The following HERC6 variants were observed in gnomAD, a reference collection of about 807,000 sequenced individuals.
HERC6 encodes the protein HECT and RLD domain containing E3 ubiquitin protein ligase family member 6, also known as probable E3 ubiquitin-protein ligase HERC6.
A neutral mutation model predicts 114.5 loss-of-function variants in HERC6; 101 were observed. That is an observed-to-expected ratio of 0.88 (90% CI 0.75 to 1.04). HERC6 has a LOEUF of 1.04. Ranked by LOEUF, HERC6 falls within the 50% of genes least tolerant of loss-of-function variation. HERC6 has a pLI of 0.00. For synonymous variants in HERC6, 408 were observed against 436.2 expected, an observed-to-expected ratio of 0.94 and a Z score of 0.81; for missense variants, 1,133 against 1,230.9, an observed-to-expected ratio of 0.92 and a Z score of 1.19.
At chr4:88,425,054 G>T (rs1489839566) in intron 15 of HERC6, among the ~76,000 whole-genome samples, 6 of 152,058 alleles carry the variant, frequency 3.9e-5, no homozygotes, top group African/African-American at 1.2e-4. Context: ...AAGGTTTGTG[G>T]TATGGCAATA....
Position 88,423,950 on chromosome 4 carries a change from C to G in HERC6, c.1804C>G (p.Gln602Glu), listed in dbSNP as rs1290604932. Reference sequence around the variant, plus strand: ...AAACTTTTATATAGATAGAGGAAGACAGCTCTTTCGGGATAACCACCTGGT... The same window carrying G: ...AAACTTTTATATAGATAGAGGAAGAGAGCTCTTTCGGGATAACCACCTGGT... Reference protein sequence around the residue: ...LLNFYIDRGRQLFRDNHLIPA... With the variant: ...LLNFYIDRGRELFRDNHLIPA... Residue 602 changes from glutamine to glutamate, a missense_variant, in exon 14 of 23, where the codon CAG (glutamine) becomes GAG (glutamate). Gln to Glu is a conservative substitution (Grantham distance 29). Transcript: ENST00000264346. The G allele has an allele frequency of 6.5e-7, 1 of 1,526,830 alleles. No homozygotes were observed. Among genetic ancestry groups the G allele is most frequent in the African/African-American group, 1.4e-5 (1 of 70,768 alleles). 94.6% of individuals were successfully genotyped at this position (1,526,830 alleles called of 1,614,324 possible).
chr4:88,402,631 G>T (rs1351722079), intron 8 of HERC6, among the ~76,000 whole-genome samples: 1 of 152,150 alleles, frequency 6.6e-6, no homozygotes, highest in African/African-American at 2.4e-5. Flanking sequence ...GGGCAGGAAG[G>T]GTGACCATGG....
In HERC6 at chr4:88,435,851, T is replaced by C. The variant is rs763695748; in HGVS notation, c.2377T>C (p.Ser793Pro). ...LYKKLLDQKP[S>P]LEDLKELSPR... ...TAAAAAACTTCTGGACCAAAAGCCA[T>C]CATTGGAAGATTTAAAAGAACTCAG... Residue 793 changes from serine (S) to proline (P), a missense_variant, in exon 18 of 23, where the codon TCA becomes CCA. This residue lies in a region of HERC6 where 388 missense variants were observed against 445.9 expected (regional missense o/e 0.87). Transcript: ENST00000264346. The C allele has an allele frequency of 1.2e-6, 2 of 1,610,520 alleles. No individual in the cohort carries two copies. The highest frequency in any genetic ancestry group is 1.7e-6 in the Non-Finnish European group (2 of 1,178,548).
intron 15 of HERC6, among the ~76,000 whole-genome samples, chr4:88,426,040 T>A (rs1737569949): frequency 6.6e-6 from 1 of 152,200 alleles, no homozygotes; most frequent in Non-Finnish European, 1.5e-5. Context: ...ATGGCTTACA[T>A]GACATTTTCC....
At chr4:88,384,906 C>T (rs896250769) in intron 2 of HERC6, among the ~76,000 whole-genome samples, 3 of 151,982 alleles carry the variant, frequency 2.0e-5, no homozygotes, top group African/African-American at 7.3e-5. Context: ...GCCTGTAATC[C>T]CAGCTACTTG....
chr4:88,403,357 C>T (rs1735643941), intron 8 of HERC6, among the ~76,000 whole-genome samples: 1 of 152,176 alleles, frequency 6.6e-6, no homozygotes, highest in Admixed American at 6.5e-5. Flanking sequence ...GAGTTACTGA[C>T]ATAAAAGTAA....
rs1160610929 is a variant in HERC6, at chr4:88,417,586, G to T, written c.1713+7G>T. On this transcript the variant is annotated splice_region_variant and intron_variant, in intron 13 of 22. Transcript: ENST00000264346. ...GATGAAAGAACTGCATAAGGTAAGG[G>T]TTACTCTAAAGGAATGCATGTACTA... 6.2e-7 allele frequency: 1 copy of T among 1,609,956 alleles called. No individual in the cohort carries two copies. The highest frequency in any genetic ancestry group is 1.3e-5 in the African/African-American group (1 of 74,762).
At chr4:88,426,231 C>T (rs1737596558) in intron 15 of HERC6, among the ~76,000 whole-genome samples, 1 of 152,056 alleles carries the variant, frequency 6.6e-6, no homozygotes, top group Admixed American at 6.6e-5. Flanking sequence ...TACAATGGTG[C>T]AATCTCAGCT....
rs769047636 is a variant in HERC6, at chr4:88,424,518, A to G, written c.1828-77A>G. ...CCACAAAAACCAGATTCCAAAAAAA[A>G]GGCGATAAGGTAAAGGAAGTAAGTT... On this transcript the variant is annotated intron_variant, in intron 14 of 22. Coordinates refer to ENST00000264346, the MANE Select transcript of HERC6 (RefSeq NM_017912.4). 4 of 1,064,528 alleles carry G rather than the reference A, an allele frequency of 3.8e-6. No individual in the cohort carries two copies. The African/African-American group carries it at 4.9e-5, about 13-fold the overall frequency. 65.9% of individuals were successfully genotyped at this position (1,064,528 alleles called of 1,614,324 possible). A position where few individuals can be genotyped will look rare whatever the true frequency, so the allele number is the denominator to read the frequency against.
chr4:88,406,341 A>C (rs1183669908), intron 10 of HERC6, among the ~76,000 whole-genome samples: 9 of 152,204 alleles, frequency 5.9e-5, no homozygotes. Context: ...GGTGATACAC[A>C]TCTTGTACCC....
rs1312828549 is a variant in HERC6, at chr4:88,379,062, C to T, written c.141C>T (p.Cys47=). 1.3e-6 allele frequency: 2 copies of T among 1,555,006 alleles called. No homozygotes were observed. The highest frequency in any genetic ancestry group is 8.7e-7 in the Non-Finnish European group (1 of 1,150,872). The change falls in exon 1 of 23, where the codon TGC becomes TGT. Residue 47 remains cysteine, a synonymous_variant. Transcript: ENST00000264346. The part of the protein sequence containing the change: ...LLLTNHRVLS[C]GDNSRGQLGR... ...TGACCAACCACAGGGTCCTCTCGTG[C>T]GGAGACAACAGCAGGGGTCAGCTGG...
intron 15 of HERC6, among the ~76,000 whole-genome samples, chr4:88,426,151 G>A (rs1737587225): frequency 1.3e-5 from 2 of 152,066 alleles, no homozygotes; most frequent in Non-Finnish European, 2.9e-5. Context: ...ACAGGTAAGG[G>A]CTGTCCCTCT....
In HERC6 at chr4:88,379,075, A is replaced by AGGGGTCAGCT. The variant is rs1318615921; in HGVS notation, c.158_167dup (p.Arg57SerfsTer25). ...GGTCCTCTCGTGCGGAGACAACAGC[A>AGGGGTCAGCT]GGGGTCAGCTGGGCCGCAGGGGCGC... On this transcript the variant is annotated frameshift_variant, in exon 1 of 23. Coordinates refer to ENST00000264346, the MANE Select transcript of HERC6 (RefSeq NM_017912.4). LOFTEE classifies it high-confidence loss of function. 3 of 1,551,140 alleles carry AGGGGTCAGCT rather than the reference A, an allele frequency of 1.9e-6. No homozygotes were observed. The African/African-American group carries it at 4.1e-5, about 21-fold the overall frequency.
In HERC6 at chr4:88,432,707, C is replaced by T. The variant is rs549419329; in HGVS notation, c.2250+1402C>T. Among the ~76,000 whole-genome samples, 55 of 147,336 alleles carry T rather than the reference C, an allele frequency of 3.7e-4. No homozygotes were observed. The East Asian group carries it at 5.1e-3, about 14-fold the overall frequency. Reference sequence around the variant, plus strand: ...TTGCGCCATAGCACCCCAGCCTGGGCGACAGAGTGATACTCTGTTTCAAAA... The same window carrying T: ...TTGCGCCATAGCACCCCAGCCTGGGTGACAGAGTGATACTCTGTTTCAAAA... On this transcript the variant is annotated intron_variant, in intron 17 of 22. Coordinates refer to ENST00000264346, the MANE Select transcript of HERC6 (RefSeq NM_017912.4).
At chr4:88,384,261 G>A (rs1410863966) in intron 2 of HERC6, among the ~76,000 whole-genome samples, 1 of 152,156 alleles carries the variant, frequency 6.6e-6, no homozygotes. Context: ...GGGATATTCT[G>A]CAATAGCGAG....
At chr4:88,385,596 C>T (rs1734530806) in intron 3 of HERC6, 21 bp downstream of exon 3, 1 of 1,339,560 alleles carries the variant, frequency 7.5e-7, no homozygotes, top group African/African-American at 1.5e-5. Flanking sequence ...CTTTTTGGAT[C>T]TGAGTGTGAG....
At chr4:88,407,381 TTTTGTTTG>T (rs200401902) in intron 10 of HERC6, among the ~76,000 whole-genome samples, 1 of 151,918 alleles carries the variant, frequency 6.6e-6, no homozygotes, top group Non-Finnish European at 1.5e-5. Context: ...ATGCTCGGCA[TTTTGTTTG>T]TTTGTTTGTT....
intron 1 of HERC6, among the ~76,000 whole-genome samples, chr4:88,382,419 A>G (rs966622922): frequency 2.0e-5 from 3 of 152,104 alleles, no homozygotes; most frequent in Admixed American, 2.0e-4. Flanking sequence ...CTCCCTTCCA[A>G]TTTCCTTCTG....
intron 12 of HERC6, among the ~76,000 whole-genome samples, chr4:88,416,998 T>G (rs1415422429): frequency 6.6e-6 from 1 of 152,184 alleles, no homozygotes; most frequent in Admixed American, 6.5e-5. Context: ...GTACCAGATG[T>G]TCATAAAATC....
Sources: gnomAD v4.1 joint callset for allele counts (sites outside exome capture counted in the v4.1 genomes callset) on GRCh38, gnomAD v4.1.1 for gene constraint, gnomAD v4.1.1 regional missense constraint, MANE v1.5 for transcripts, NCBI Gene and HGNC (gene_info 2026-07-23, HGNC 2026-07-21) for gene names.